Variants in GPHN observed in about 807,000 individuals in gnomAD.
The protein encoded by GPHN is gephyrin.
A neutral mutation model predicts 95.5 loss-of-function variants in GPHN; 17 were observed. The ratio of observed to expected loss-of-function variants is 0.18; its 90% confidence interval spans 0.12 to 0.27. The LOEUF (loss-of-function observed/expected upper bound fraction) is 0.27. GPHN is among the 10% of genes least tolerant of loss of function. The probability of loss-of-function intolerance (pLI) is 1.00; values close to 1 mark genes in which losing one functional copy is unlikely to be tolerated. For synonymous variants in GPHN, 320 were observed against 322.5 expected, an observed-to-expected ratio of 0.99 and a Z score of 0.08; for missense variants, 660 against 978.1, an observed-to-expected ratio of 0.67 and a Z score of 4.34.
intron 1 of GPHN, among the ~76,000 whole-genome samples, chr14:66,635,240 C>A (rs377230458): frequency 1.2e-3 from 183 of 152,282 alleles, no homozygotes; most frequent in African/African-American, 4.0e-3. Flanking sequence ...TTAGATGTTA[C>A]ACTGCCACAT....
the GPHN span, among the ~76,000 whole-genome samples, chr14:67,584,370 G>A: frequency 0.24 from 35,866 of 152,138 alleles, 4,933 homozygotes; most frequent in Non-Finnish European, 0.29. Flanking sequence ...CACACACAAA[G>A]ATTCAGACTT....
At chr14:67,570,679 C>T in the GPHN span, 1 of 152,192 alleles carries the variant, frequency 6.6e-6, no homozygotes, top group African/African-American at 2.4e-5. Flanking sequence ...TTGCTTGTTC[C>T]CCTAACCACG....
the GPHN span, among the ~76,000 whole-genome samples, chr14:67,584,891 G>C: frequency 6.6e-6 from 1 of 152,126 alleles, no homozygotes; most frequent in Non-Finnish European, 1.5e-5. Context: ...GTGTTATAAA[G>C]GCATATAACA....
the GPHN span, among the ~76,000 whole-genome samples, chr14:67,519,631 AC>A: frequency 6.6e-6 from 1 of 151,582 alleles, no homozygotes; most frequent in Non-Finnish European, 1.5e-5. Context: ...GCTGCCAAGT[AC>A]CCCCCAAACA....
intron 1 of GPHN, among the ~76,000 whole-genome samples, chr14:66,597,092 G>T (rs1452447986): frequency 6.6e-6 from 1 of 152,188 alleles, no homozygotes; most frequent in Non-Finnish European, 1.5e-5. Context: ...TCTTCTTAGA[G>T]GCCCTATCTA....
intron 1 of GPHN, among the ~76,000 whole-genome samples, chr14:66,552,159 C>A (rs1454396083): frequency 2.6e-5 from 4 of 152,254 alleles, no homozygotes; most frequent in African/African-American, 9.6e-5. Flanking sequence ...GCCTGGAAAT[C>A]TGTTTACTTT....
chr14:66,760,290 T>G (rs1327826365), intron 2 of GPHN, among the ~76,000 whole-genome samples: 1 of 152,150 alleles, frequency 6.6e-6, no homozygotes, highest in East Asian at 1.9e-4. Context: ...ATAGATAAAA[T>G]TTTAGTAGTG....
the GPHN span, chr14:67,580,084 A>G: frequency 1.8e-4 from 101 of 550,862 alleles, 1 homozygote; most frequent in South Asian, 2.2e-3. Flanking sequence ...CTCTGGAGAC[A>G]AGATCGCTAC....
At chr14:67,148,154 G>A (rs2153708751) in intron 18 of GPHN, among the ~76,000 whole-genome samples, 1 of 152,268 alleles carries the variant, frequency 6.6e-6, no homozygotes, top group East Asian at 1.9e-4. Flanking sequence ...TAACATGACT[G>A]TAAATAACCT....
chr14:67,303,564 C>G, the GPHN span: 1 of 1,613,774 alleles, frequency 6.2e-7, no homozygotes, highest in South Asian at 1.1e-5. Context: ...GATTCCCAGT[C>G]AACAGATCAA....
At chr14:66,922,271 GTTT>G (rs143579871) in intron 6 of GPHN, among the ~76,000 whole-genome samples, 14 of 141,726 alleles carry the variant, frequency 9.9e-5, no homozygotes, top group African/African-American at 2.8e-4. Context: ...CAGAGTGTAT[GTTT>G]TTTTTTTTTT....
chr14:66,653,460 T>C (rs537849088), intron 1 of GPHN, among the ~76,000 whole-genome samples: 1 of 152,286 alleles, frequency 6.6e-6, no homozygotes, highest in African/African-American at 2.4e-5. Flanking sequence ...TTTCCTCAAA[T>C]GGTAATATTT....
chr14:67,101,849 ATTATTTATTTATTTAT>A (rs57643224), intron 13 of GPHN, among the ~76,000 whole-genome samples: 2 of 145,488 alleles, frequency 1.4e-5, no homozygotes, highest in African/African-American at 5.1e-5. Flanking sequence ...TGGTTTATGT[ATTATTTATTTATTTAT>A]TTATTTATTT....
At chr14:67,697,647 C>A in the GPHN span, among the ~76,000 whole-genome samples, 2 of 152,126 alleles carry the variant, frequency 1.3e-5, no homozygotes, top group African/African-American at 4.8e-5. Flanking sequence ...TAGCCTAGGT[C>A]AAAGAGGCAG....
At chr14:66,775,584 A>C (rs1595866673) in intron 2 of GPHN, among the ~76,000 whole-genome samples, 3 of 152,282 alleles carry the variant, frequency 2.0e-5, no homozygotes, top group South Asian at 4.1e-4. Context: ...TCTGGTGTGT[A>C]TTTTACACTT....
the GPHN span, chr14:67,201,312 T>C: frequency 2.9e-6 from 1 of 350,716 alleles, no homozygotes; most frequent in Non-Finnish European, 5.6e-6. Context: ...AACAAATAAA[T>C]ATTTTTAAAA....
At chr14:66,538,525 C>T (rs942649623) in intron 1 of GPHN, among the ~76,000 whole-genome samples, 4 of 151,898 alleles carry the variant, frequency 2.6e-5, no homozygotes, top group African/African-American at 9.7e-5. Flanking sequence ...TTTCTCTCCT[C>T]TTCTGTGCCA....
At chr14:66,810,468 T>A (rs2060715408) in intron 3 of GPHN, among the ~76,000 whole-genome samples, 1 of 151,844 alleles carries the variant, frequency 6.6e-6, no homozygotes, top group Non-Finnish European at 1.5e-5. Flanking sequence ...TGGAAAAAAA[T>A]GTTCAAAGGA....
chr14:67,346,607 G>A, the GPHN span, among the ~76,000 whole-genome samples: 1 of 152,170 alleles, frequency 6.6e-6, no homozygotes, highest in Non-Finnish European at 1.5e-5. Flanking sequence ...GAGCCACTGT[G>A]CCTGGCCAAG....
Sources: gnomAD v4.1 joint callset for allele counts (sites outside exome capture counted in the v4.1 genomes callset) on GRCh38, gnomAD v4.1.1 for gene constraint, MANE v1.5 for transcripts, NCBI Gene and HGNC (gene_info 2026-07-23, HGNC 2026-07-21) for gene names.